PIBF1: variants seen among roughly 807,000 people sequenced by gnomAD.
PIBF1 encodes progesterone-induced-blocking factor 1.
PIBF1 carries 90 observed loss-of-function variants against 112.5 expected under a neutral mutation model. The ratio of observed to expected loss-of-function variants is 0.80; its 90% CI spans 0.67 to 0.95. The LOEUF is 0.95. PIBF1 is among the 40% of genes least tolerant of loss of function. The pLI is 0.00. For synonymous variants in PIBF1, 301 were observed against 288.6 expected (o/e 1.04, Z -0.44); for missense variants, 915 against 852.3 (o/e 1.07, Z -0.92).
intron 4 of PIBF1, among the ~76,000 whole-genome samples, chr13:72,797,016 G>A (rs56195142): frequency 0.1 from 15,589 of 152,084 alleles, 1,084 homozygotes; most frequent in Non-Finnish European, 0.15. Flanking sequence ...AATTTGCTGT[G>A]ATGATTTCTT....
chr13:72,906,334 T>C (rs987847952), intron 11 of PIBF1, among the ~76,000 whole-genome samples: 2 of 152,182 alleles, frequency 1.3e-5, no homozygotes, highest in Non-Finnish European at 2.9e-5. Flanking sequence ...CTTTGTATTA[T>C]TCAGTTAATA....
intron 10 of PIBF1, among the ~76,000 whole-genome samples, chr13:72,869,757 A>G (rs1479129935): frequency 6.6e-6 from 1 of 152,026 alleles, no homozygotes; most frequent in African/African-American, 2.4e-5. Context: ...TATAAAGTAT[A>G]AGGTATACCA....
chr13:72,979,840 T>A (rs1386107075), intron 16 of PIBF1, among the ~76,000 whole-genome samples: 6 of 152,070 alleles, frequency 3.9e-5, no homozygotes, highest in Non-Finnish European at 8.8e-5. Flanking sequence ...GAGAATGGCA[T>A]GAACCCGGGA....
chr13:72,931,236 G>A lies in PIBF1; in HGVS notation c.1802G>A (p.Arg601Gln), dbSNP rs147185245. Reference sequence around the variant, plus strand: ...CTGATTTTAAAAGATCTGGAACATCGAAAGGACCAAGTAACACAGCTTTCA... The same window carrying A: ...CTGATTTTAAAAGATCTGGAACATCAAAAGGACCAAGTAACACAGCTTTCA... ...NSLILKDLEH[R>Q]KDQVTQLSQE... Residue 601 changes from arginine (R) to glutamine (Q), a missense_variant, in exon 14 of 18, where the codon CGA becomes CAA. Physicochemically the swap from Arg to Gln is conservative, Grantham distance 43. Transcript: ENST00000326291. 34 of 1,612,162 alleles carry A rather than the reference G, an allele frequency of 2.1e-5. 1 individual carries two copies. In the African/African-American group the frequency reaches 3.1e-4, roughly 15 times the overall value.
At chr13:72,809,727 G>A (rs1452631824) in intron 5 of PIBF1, among the ~76,000 whole-genome samples, 2 of 151,536 alleles carry the variant, frequency 1.3e-5, no homozygotes, top group African/African-American at 4.9e-5. Flanking sequence ...GTAGCCGGGA[G>A]TACAGGCATG....
chr13:72,991,728 T>C (rs2043487667), intron 16 of PIBF1, among the ~76,000 whole-genome samples: 1 of 151,592 alleles, frequency 6.6e-6, no homozygotes, highest in Non-Finnish European at 1.5e-5. Context: ...AATTTTTTTT[T>C]TTTTTTTTTA....
chr13:72,826,497 G>C (rs1269296326), intron 6 of PIBF1, among the ~76,000 whole-genome samples: 2 of 152,098 alleles, frequency 1.3e-5, no homozygotes, highest in Middle Eastern at 6.8e-3. Context: ...TCCAATTCTT[G>C]GTATAACTTT....
intron 5 of PIBF1, among the ~76,000 whole-genome samples, chr13:72,819,367 C>T (rs1277767395): frequency 6.6e-6 from 1 of 152,024 alleles, no homozygotes; most frequent in Non-Finnish European, 1.5e-5. Flanking sequence ...ATGCTTCATT[C>T]CCCTGAGTAT....
chr13:72,992,393 A>G (rs1416411996), intron 16 of PIBF1, among the ~76,000 whole-genome samples: 1 of 152,240 alleles, frequency 6.6e-6, no homozygotes, highest in Non-Finnish European at 1.5e-5. Flanking sequence ...CCAGAATGAA[A>G]CGAAGCTCTA....
At chr13:72,846,555 C>T (rs866920958) in intron 9 of PIBF1, among the ~76,000 whole-genome samples, 5 of 152,154 alleles carry the variant, frequency 3.3e-5, no homozygotes, top group African/African-American at 9.7e-5. Flanking sequence ...GGCCTGTGAT[C>T]CTACCTGATC....
intron 14 of PIBF1, among the ~76,000 whole-genome samples, chr13:72,947,834 C>T (rs750645148): frequency 1.5e-4 from 23 of 152,158 alleles, no homozygotes; most frequent in Non-Finnish European, 2.9e-4. Flanking sequence ...TTGGAACCAA[C>T]CCAAATGCTC....
chr13:72,829,876 G>A (rs2037015206), intron 8 of PIBF1, among the ~76,000 whole-genome samples: 1 of 152,126 alleles, frequency 6.6e-6, no homozygotes. Flanking sequence ...GGGCAGTATG[G>A]CCATTTTCAC....
chr13:73,014,312 T>G (rs2139070536), intron 17 of PIBF1, among the ~76,000 whole-genome samples: 1 of 152,254 alleles, frequency 6.6e-6, no homozygotes, highest in Non-Finnish European at 1.5e-5. Context: ...GAGAGAATAC[T>G]TCCCAGCTCA....
At position 72,795,383 on chromosome 13, in the gene PIBF1, A is replaced by G. The variant is rs1566278637; in HGVS notation, c.378A>G (p.Gln126=). ...DASKYQELMK[Q]EMETILLRQK... ...GCAAATATCAAGAATTAATGAAACA[A>G]GAAATGGAAACCATTTTGTTGAGAC... Residue 126 remains glutamine, a synonymous_variant, in exon 4 of 18, where the codon CAA becomes CAG. Coordinates refer to ENST00000326291, the MANE Select transcript of PIBF1 (RefSeq NM_006346.4). The G allele has an allele frequency of 6.3e-7, 1 of 1,595,908 alleles. No individual in the cohort carries two copies. Among genetic ancestry groups the G allele is most frequent in the Non-Finnish European group, 8.5e-7 (1 of 1,172,282 alleles).
chr13:72,831,123 C>A (rs867427442), intron 8 of PIBF1, among the ~76,000 whole-genome samples: 9 of 151,938 alleles, frequency 5.9e-5, no homozygotes, highest in Admixed American at 3.3e-4. Context: ...TCCCCTTTAT[C>A]ATTTTTTATT....
intron 16 of PIBF1, among the ~76,000 whole-genome samples, chr13:72,981,099 G>A (rs1240922940): frequency 2.0e-5 from 3 of 151,432 alleles, no homozygotes; most frequent in Admixed American, 1.3e-4. Context: ...ACAAAAATTC[G>A]CCGGGCGTGG....
In PIBF1 at chr13:72,783,556, TC is replaced by T; in HGVS notation, c.89del (p.Pro30LeufsTer21). ...AAGATATTAGTTTAGAAACAACAGT[TC>T]CTACGGATGATATTTCCTCATCAGA... is the stretch of plus-strand genomic sequence containing the variant. Reference protein sequence around the residue: ...SEDISLETTVPTDDISSSEER... With the variant: ...SEDISLETTVXTDDISSSEER... On this transcript the variant is annotated frameshift_variant, in exon 2 of 18. Transcript: ENST00000326291. LOFTEE classifies it high-confidence loss of function. The T allele has an allele frequency of 6.2e-7, 1 of 1,613,866 alleles. No homozygotes were observed. Among genetic ancestry groups the T allele is most frequent in the Non-Finnish European group, 8.5e-7 (1 of 1,179,758 alleles).
chr13:72,949,709 G>T (rs998493283), intron 14 of PIBF1, among the ~76,000 whole-genome samples: 10 of 152,042 alleles, frequency 6.6e-5, no homozygotes, highest in Admixed American at 2.6e-4. Flanking sequence ...TTGTGTATTT[G>T]TGTGTGTGTG....
intron 5 of PIBF1, among the ~76,000 whole-genome samples, chr13:72,815,979 A>G (rs1294505945): frequency 6.6e-6 from 1 of 152,222 alleles, no homozygotes; most frequent in African/African-American, 2.4e-5. Context: ...GTTTGGTTCA[A>G]TCATATTTGG....
Sources: gnomAD v4.1 joint callset for allele counts (sites outside exome capture counted in the v4.1 genomes callset) on GRCh38, gnomAD v4.1.1 for gene constraint, MANE v1.5 for transcripts, NCBI Gene and HGNC (gene_info 2026-07-23, HGNC 2026-07-21) for gene names.